The following STPG2 variants were observed in gnomAD, a reference collection of about 807,000 sequenced individuals.
The protein encoded by STPG2 is sperm tail PG-rich repeat containing 2, also known as sperm-tail PG-rich repeat-containing protein 2.
STPG2 carries 56 observed loss-of-function variants against 54.2 expected under a neutral mutation model. The ratio of observed to expected loss-of-function variants is 1.03; its 90% CI spans 0.83 to 1.29. STPG2 has a LOEUF of 1.29. Among genes scored for constraint, STPG2 ranks in the 50% most tolerant of loss-of-function variants. The pLI, the probability that STPG2 is intolerant of heterozygous loss-of-function variation, is 0.00. For missense variants in STPG2, 596 were observed against 544.9 expected (o/e 1.09, Z -0.93); for synonymous variants, 200 against 181.8 (o/e 1.10, Z -0.81).
chr4:98,126,750 G>C (rs908843746), intron 3 of STPG2, among the ~76,000 whole-genome samples: 10 of 151,966 alleles, frequency 6.6e-5, no homozygotes, highest in African/African-American at 2.2e-4. Flanking sequence ...CTACTTAGGG[G>C]TAAAGAGGCG....
intron 9 of STPG2, among the ~76,000 whole-genome samples, chr4:97,806,213 G>A (rs1727557215): frequency 6.6e-6 from 1 of 152,188 alleles, no homozygotes. Flanking sequence ...TGTGTCCTTG[G>A]TAGCAACTTG....
rs539260754 is a variant in STPG2 at position 97,836,564 on chromosome 4, T to C, written c.1204+4209A>G. 2.0e-5 allele frequency among the ~76,000 whole-genome samples: 3 copies of C among 151,964 alleles called. No homozygotes were observed. In the East Asian group the frequency reaches 5.8e-4, roughly 29 times the overall value. ...AGTGGTATGTAACCAAACCAAGCCATATTGCCAAGGTATGCCTTTATTAAT... is the reference window on the plus strand; with the variant it reads ...AGTGGTATGTAACCAAACCAAGCCACATTGCCAAGGTATGCCTTTATTAAT... On this transcript the variant is annotated intron_variant, in intron 9 of 10. Transcript: ENST00000295268.
intron 9 of STPG2, among the ~76,000 whole-genome samples, chr4:97,810,248 G>C (rs966669703): frequency 1.3e-5 from 2 of 152,018 alleles, no homozygotes; most frequent in African/African-American, 4.8e-5. Context: ...GGTGGATCAC[G>C]AGGTCAAGAG....
At chr4:97,890,828 TGA>T (rs1416171857) in intron 8 of STPG2, among the ~76,000 whole-genome samples, 1 of 151,858 alleles carries the variant, frequency 6.6e-6, no homozygotes, top group Non-Finnish European at 1.5e-5. Context: ...TATCAATTTT[TGA>T]GAGTGAAAAA....
chr4:97,790,846 TA>T (rs1273866057), intron 9 of STPG2, among the ~76,000 whole-genome samples: 1 of 152,158 alleles, frequency 6.6e-6, no homozygotes, highest in African/African-American at 2.4e-5. Context: ...ATTACATCTG[TA>T]AAACCCTTTG....
chr4:97,456,825 G>T (rs1261863351), intron 4 of STPG2, among the ~76,000 whole-genome samples: 7 of 146,738 alleles, frequency 4.8e-5, no homozygotes, highest in African/African-American at 1.8e-4. Context: ...GAATCCAGGA[G>T]TTGGAGCTAG....
intron 5 of STPG2, among the ~76,000 whole-genome samples, chr4:98,023,930 G>C (rs1736325390): frequency 6.6e-6 from 1 of 152,156 alleles, no homozygotes; most frequent in South Asian, 2.1e-4. Flanking sequence ...GGTGCCGTCT[G>C]TCACCCCTTT....
chr4:97,597,162 A>C (rs1446483963), intron 10 of STPG2, among the ~76,000 whole-genome samples: 1 of 152,136 alleles, frequency 6.6e-6, no homozygotes, highest in Non-Finnish European at 1.5e-5. Context: ...AACTTAGAAT[A>C]ATAGATAAAT....
intron 8 of STPG2, among the ~76,000 whole-genome samples, chr4:97,910,140 C>T (rs1033222180): frequency 6.6e-5 from 10 of 152,130 alleles, no homozygotes; most frequent in African/African-American, 2.4e-4. Context: ...TATGCAGAGT[C>T]CTGTTGACTC....
intron 9 of STPG2, among the ~76,000 whole-genome samples, chr4:97,765,028 T>A (rs566696343): frequency 2.0e-5 from 3 of 152,122 alleles, no homozygotes; most frequent in Non-Finnish European, 4.4e-5. Flanking sequence ...GTGGGTACTA[T>A]GTTTGTGTTC....
Position 98,082,485 on chromosome 4 carries a change from T to C in STPG2, c.612+23468A>G, listed in dbSNP as rs1177562820. ...TTTTTTTTTTTTTTTTTTTTTTTTT[T>C]TTGTCGCCCAGGCTGGAGTACGGTG... is the stretch of plus-strand genomic sequence containing the variant. On this transcript the variant is annotated intron_variant, in intron 5 of 10. Coordinates refer to ENST00000295268, the MANE Select transcript of STPG2 (RefSeq NM_174952.3). 2.1e-3 allele frequency among the ~76,000 whole-genome samples: 195 copies of C among 91,226 alleles called. 2 individuals are homozygous for C. Among genetic ancestry groups the C allele is most frequent in the African/African-American group, 8.5e-3 (190 of 22,292 alleles). 59.8% of individuals were successfully genotyped at this position (91,226 alleles called of 152,430 possible). A position where few individuals can be genotyped will look rare whatever the true frequency, so the allele number is the denominator to read the frequency against.
intron 4 of STPG2, among the ~76,000 whole-genome samples, chr4:97,496,639 C>G (rs35241893): frequency 0.08 from 12,158 of 151,658 alleles, 685 homozygotes; most frequent in African/African-American, 0.16. Context: ...ACGTGTACCC[C>G]CTATGTTTGT....
intron 5 of STPG2, among the ~76,000 whole-genome samples, chr4:97,985,262 A>G (rs951759443): frequency 8.5e-5 from 13 of 152,186 alleles, no homozygotes; most frequent in African/African-American, 2.9e-4. Context: ...GAATTAAAAT[A>G]TATATATTAC....
intron 5 of STPG2, among the ~76,000 whole-genome samples, chr4:98,021,867 T>C (rs893321697): frequency 5.7e-4 from 87 of 152,110 alleles, no homozygotes; most frequent in Non-Finnish European, 1.1e-3. Flanking sequence ...TTCCATTTGC[T>C]TGGTAGATCT....
At chr4:97,996,889 A>G (rs1735258562) in intron 5 of STPG2, among the ~76,000 whole-genome samples, 1 of 152,214 alleles carries the variant, frequency 6.6e-6, no homozygotes, top group Non-Finnish European at 1.5e-5. Flanking sequence ...ACAATCAGGT[A>G]CCATTTCACA....
At chr4:98,109,130 A>AAAAGT in intron 4 of STPG2, 63 bp downstream of exon 4, 5 of 1,032,918 alleles carry the variant, frequency 4.8e-6, no homozygotes, top group Non-Finnish European at 6.9e-6. Context: ...GCCTAGTCTG[A>AAAAGT]ATTATTAAAA....
At chr4:97,501,643 T>A (rs1224830866) in intron 4 of STPG2, among the ~76,000 whole-genome samples, 1 of 151,406 alleles carries the variant, frequency 6.6e-6, no homozygotes, top group African/African-American at 2.4e-5. Context: ...TTCAGTGAGT[T>A]CGAGATCGTG....
chr4:97,848,581 A>G (rs1560552637), intron 8 of STPG2, among the ~76,000 whole-genome samples: 2 of 152,248 alleles, frequency 1.3e-5, no homozygotes, highest in African/African-American at 2.4e-5. Context: ...TATTCTCTCA[A>G]GATATTGACT....
At chr4:97,452,420 G>T (rs1729401345) in intron 4 of STPG2, among the ~76,000 whole-genome samples, 1 of 152,124 alleles carries the variant, frequency 6.6e-6, no homozygotes, top group African/African-American at 2.4e-5. Flanking sequence ...CGGCCTGAAG[G>T]CTGGGCCAGG....
Sources: allele counts gnomAD v4.1 joint callset (sites outside exome capture counted in the v4.1 genomes callset), GRCh38; gene constraint gnomAD v4.1.1; transcripts MANE v1.5; gene names NCBI Gene and HGNC (gene_info 2026-07-23, HGNC 2026-07-21).